CSMD3: variants seen among roughly 807,000 people sequenced by gnomAD.
The protein encoded by CSMD3 is CUB and Sushi multiple domains 3, also known as CUB and sushi domain-containing protein 3.
In CSMD3, 177 loss-of-function variants were observed where a neutral mutation model predicts 435.2. The ratio of observed to expected loss-of-function variants is 0.41; its 90% CI spans 0.36 to 0.46. CSMD3 has a LOEUF of 0.46. Ranked by LOEUF, CSMD3 falls within the 20% of genes least tolerant of loss-of-function variation. The pLI is 0.34. For synonymous variants in CSMD3, 1,656 were observed against 1,520.5 expected (o/e 1.09, Z -2.07); for missense variants, 4,265 against 4,504.6 (o/e 0.95, Z 1.52).
intron 32 of CSMD3, among the ~76,000 whole-genome samples, chr8:112,466,349 G>T (rs918400320): frequency 2.6e-5 from 4 of 152,032 alleles, no homozygotes; most frequent in Admixed American, 6.6e-5. Context: ...GGCAATAAAT[G>T]ATTGAATTAA....
chr8:113,092,643 C>A (rs920106612), intron 5 of CSMD3, among the ~76,000 whole-genome samples: 34 of 152,150 alleles, frequency 2.2e-4, no homozygotes, highest in African/African-American at 7.7e-4. Context: ...TTTGGGTTTT[C>A]CTTTTCCTTG....
At chr8:112,367,416 T>C (rs1022736076) in intron 38 of CSMD3, among the ~76,000 whole-genome samples, 1 of 152,150 alleles carries the variant, frequency 6.6e-6, no homozygotes, top group Non-Finnish European at 1.5e-5. Flanking sequence ...TCTAGGGAGT[T>C]GAAAGGCCAG....
chr8:112,792,689 G>A (rs1489028443), intron 13 of CSMD3, among the ~76,000 whole-genome samples: 1 of 152,012 alleles, frequency 6.6e-6, no homozygotes, highest in African/African-American at 2.4e-5. Flanking sequence ...CTTAAACTTA[G>A]GTCTATAATA....
intron 3 of CSMD3, among the ~76,000 whole-genome samples, chr8:113,193,432 TG>T (rs1047735331): frequency 1.3e-5 from 2 of 151,418 alleles, no homozygotes; most frequent in African/African-American, 2.4e-5. Flanking sequence ...CCAGGAATTC[TG>T]AGATATAAAC....
rs13268136 is a variant in CSMD3, at chr8:112,662,726, G to T, written c.2816+3551C>A. Among the ~76,000 whole-genome samples, 1,273 of 152,238 alleles carry T rather than the reference G, an allele frequency of 8.4e-3. 10 individuals carry two copies. The highest frequency in any genetic ancestry group is 0.014 in the Non-Finnish European group (963 of 68,034). Reference sequence around the variant, plus strand: ...CACAGCAAAAGAAACTACAATCAGAGTGAACAGGCAACCTACAGAATGGGA... The same window carrying T: ...CACAGCAAAAGAAACTACAATCAGATTGAACAGGCAACCTACAGAATGGGA... On this transcript the variant is annotated intron_variant, in intron 17 of 70. Transcript: ENST00000297405.
At chr8:112,292,282 AC>A (rs1352170521) in intron 55 of CSMD3, among the ~76,000 whole-genome samples, 3 of 152,156 alleles carry the variant, frequency 2.0e-5, no homozygotes, top group African/African-American at 7.2e-5. Context: ...AATTAACTCT[AC>A]CACTTTTAAC....
At position 112,292,619 on chromosome 8, in the gene CSMD3, A is replaced by G. The variant is rs756582675; in HGVS notation, c.8706T>C (p.Asn2902=). ...NFNDVVTFSC[N]IGYLMQGPTK... ...TTGGCCCTTGCATAAGATACCCAAT[A>G]TTGCATGAGAATGTTACCACATCAT... The change falls in exon 55 of 71, where the codon AAT becomes AAC. Residue 2902 remains asparagine (N), a synonymous_variant. Coordinates refer to ENST00000297405, the MANE Select transcript of CSMD3 (RefSeq NM_198123.2). 4 of 1,613,802 alleles carry G rather than the reference A, an allele frequency of 2.5e-6. No individual in the cohort carries two copies. The highest frequency in any genetic ancestry group is 1.7e-5 in the Admixed American group (1 of 59,990).
chr8:112,599,160 A>G, intron 22 of CSMD3, among the ~76,000 whole-genome samples: 1 of 113,332 alleles, frequency 8.8e-6, no homozygotes, highest in Middle Eastern at 3.7e-3. Context: ...AATGAACTCA[A>G]ACAAATTTAA....
intron 13 of CSMD3, among the ~76,000 whole-genome samples, chr8:112,724,000 G>A (rs1587084204): frequency 6.6e-6 from 1 of 151,840 alleles, no homozygotes; most frequent in East Asian, 1.9e-4. Context: ...CTGTCCTTTT[G>A]GAATTCATAT....
In CSMD3 at chr8:113,228,618, T is replaced by G. The variant is rs184409985; in HGVS notation, c.514+49974A>C. Among the ~76,000 whole-genome samples, 76 of 151,638 alleles carry G rather than the reference T, an allele frequency of 5.0e-4. 1 individual carries two copies. Among genetic ancestry groups the G allele is most frequent in the Non-Finnish European group, 9.2e-4 (62 of 67,694 alleles). ...GCCAAACATATGGATGGTTCCATAT[T>G]TATATAAACATCCTCCTCCTTCTAA... On this transcript the variant is annotated intron_variant, in intron 3 of 70. Coordinates refer to ENST00000297405, the MANE Select transcript of CSMD3 (RefSeq NM_198123.2).
intron 64 of CSMD3, 136 bp from the exon 65 acceptor site, chr8:112,244,709 T>C (rs1055233945): frequency 4.3e-5 from 28 of 656,574 alleles, no homozygotes; most frequent in Admixed American, 2.2e-4. Context: ...TTCTAATAAA[T>C]CACAAAAATG....
intron 38 of CSMD3, among the ~76,000 whole-genome samples, chr8:112,378,120 C>T (rs1215950288): frequency 6.6e-6 from 1 of 151,910 alleles, no homozygotes; most frequent in Admixed American, 6.6e-5. Context: ...ACGGACCACA[C>T]TGAGGTGTCA....
intron 1 of CSMD3, among the ~76,000 whole-genome samples, chr8:113,330,565 G>A (rs1461015433): frequency 6.6e-6 from 1 of 151,636 alleles, no homozygotes; most frequent in Non-Finnish European, 1.5e-5. Flanking sequence ...AGGTACAGAG[G>A]CACAAAACAA....
At chr8:112,308,964 T>C (rs1379407273) in intron 50 of CSMD3, among the ~76,000 whole-genome samples, 1 of 152,178 alleles carries the variant, frequency 6.6e-6, no homozygotes, top group African/African-American at 2.4e-5. Flanking sequence ...ATTAGTAATG[T>C]CCAAATAGAG....
chr8:112,294,020 AAG>A (rs772762568), intron 54 of CSMD3, among the ~76,000 whole-genome samples: 29 of 152,232 alleles, frequency 1.9e-4, no homozygotes, highest in Non-Finnish European at 4.1e-4. Context: ...ATAAATGAAA[AAG>A]AACATATCCA....
At chr8:113,035,076 A>G (rs985809751) in intron 5 of CSMD3, among the ~76,000 whole-genome samples, 24 of 152,064 alleles carry the variant, frequency 1.6e-4, no homozygotes, top group Non-Finnish European at 4.4e-5. Flanking sequence ...AGAAGAGAGA[A>G]AAAAGAAAAC....
intron 5 of CSMD3, chr8:113,098,389 G>T: frequency 4.5e-6 from 1 of 223,930 alleles, no homozygotes; most frequent in East Asian, 1.2e-4. Flanking sequence ...AGATGATGGT[G>T]TTTAATTTTT....
intron 1 of CSMD3, among the ~76,000 whole-genome samples, chr8:113,344,471 G>C (rs964809653): frequency 4.6e-5 from 7 of 152,178 alleles, no homozygotes; most frequent in African/African-American, 1.4e-4. Context: ...CAGAATTGGA[G>C]ATGCAGGTTT....
intron 59 of CSMD3, among the ~76,000 whole-genome samples, chr8:112,273,454 G>A (rs564086836): frequency 6.1e-4 from 93 of 152,088 alleles, no homozygotes; most frequent in African/African-American, 2.0e-3. Flanking sequence ...TGAGTTGGAC[G>A]GTGGCTCACA....
Sources: allele counts gnomAD v4.1 joint callset (sites outside exome capture counted in the v4.1 genomes callset), GRCh38; gene constraint gnomAD v4.1.1; transcripts MANE v1.5; gene names NCBI Gene and HGNC (gene_info 2026-07-23, HGNC 2026-07-21).